SOX5: variants seen among roughly 807,000 people sequenced by gnomAD.
The protein encoded by SOX5 is SRY-box transcription factor 5, also known as transcription factor SOX-5.
A neutral mutation model predicts 92.0 loss-of-function variants in SOX5; 9 were observed. The ratio of observed to expected loss-of-function variants is 0.10; its 90% CI spans 0.06 to 0.17. The LOEUF (loss-of-function observed/expected upper bound fraction) is 0.17. Ranked by LOEUF, SOX5 falls within the 10% of genes least tolerant of loss-of-function variation. The pLI is 1.00. For missense variants in SOX5, 642 were observed against 944.5 expected, an observed-to-expected ratio of 0.68 and a Z score of 4.20; for synonymous variants, 344 against 336.3, an observed-to-expected ratio of 1.02 and a Z score of -0.25.
intron 3 of SOX5, among the ~76,000 whole-genome samples, chr12:24,242,700 C>T (rs1425878095): frequency 7.3e-6 from 1 of 137,728 alleles, no homozygotes. Flanking sequence ...ATTCTGAGTG[C>T]TAATAACTGC....
At chr12:23,614,011 C>T (rs767167371) in intron 8 of SOX5, among the ~76,000 whole-genome samples, 4 of 152,094 alleles carry the variant, frequency 2.6e-5, no homozygotes, top group Admixed American at 6.5e-5. Context: ...TGGGCCTGCG[C>T]CTGTGTCCCT....
At chr12:24,431,150 C>A (rs544496707) in intron 1 of SOX5, among the ~76,000 whole-genome samples, 1 of 152,226 alleles carries the variant, frequency 6.6e-6, no homozygotes, top group South Asian at 2.1e-4. Context: ...GTCTATACTG[C>A]AAATGATAAA....
intron 4 of SOX5, among the ~76,000 whole-genome samples, chr12:23,752,117 AATAAGG>A (rs2094199666): frequency 6.6e-6 from 1 of 151,112 alleles, no homozygotes; most frequent in Non-Finnish European, 1.5e-5. Context: ...AAACTCTTGA[AATAAGG>A]CAGGTAGAGA....
At chr12:24,095,152 G>GAGAGAGAGAGAGAGAGAC (rs879260192) in intron 4 of SOX5, among the ~76,000 whole-genome samples, 1 of 137,574 alleles carries the variant, frequency 7.3e-6, no homozygotes, top group Non-Finnish European at 1.6e-5. Context: ...GAGAGAGAGA[G>GAGAGAGAGAGAGAGAGAC]AGAGACAGAG....
At chr12:24,198,281 G>T (rs1008878508) in intron 4 of SOX5, among the ~76,000 whole-genome samples, 1 of 152,016 alleles carries the variant, frequency 6.6e-6, no homozygotes, top group African/African-American at 2.4e-5. Context: ...GGGAATAATG[G>T]TTTAAATTTA....
intron 2 of SOX5, among the ~76,000 whole-genome samples, chr12:23,858,726 C>T (rs1433096054): frequency 6.6e-6 from 1 of 152,158 alleles, no homozygotes; most frequent in Non-Finnish European, 1.5e-5. Flanking sequence ...AGGCATTCTA[C>T]AGAAACCTGC....
At chr12:23,911,616 T>G (rs181563336) in intron 1 of SOX5, among the ~76,000 whole-genome samples, 190 of 152,246 alleles carry the variant, frequency 1.2e-3, no homozygotes, top group Middle Eastern at 6.8e-3. Flanking sequence ...CTTTTATTCC[T>G]TACAGTTCCT....
At chr12:24,332,585 A>G (rs1023900519) in intron 2 of SOX5, among the ~76,000 whole-genome samples, 2 of 152,138 alleles carry the variant, frequency 1.3e-5, no homozygotes, top group African/African-American at 4.8e-5. Context: ...TCTAAAAATA[A>G]AAAATAAAAA....
intron 11 of SOX5, among the ~76,000 whole-genome samples, chr12:23,560,188 C>A (rs779050682): frequency 1.3e-5 from 2 of 152,116 alleles, no homozygotes; most frequent in Non-Finnish European, 2.9e-5. Context: ...GGATTACAGG[C>A]GTTTGAGTCA....
intron 2 of SOX5, among the ~76,000 whole-genome samples, chr12:24,341,217 C>A (rs1224508989): frequency 6.6e-6 from 1 of 152,198 alleles, no homozygotes; most frequent in Non-Finnish European, 1.5e-5. Flanking sequence ...TGGCTTATAC[C>A]TGTAATCCTA....
At chr12:24,422,020 TGTAAAG>T in intron 1 of SOX5, among the ~76,000 whole-genome samples, 1 of 152,358 alleles carries the variant, frequency 6.6e-6, no homozygotes, top group Non-Finnish European at 1.5e-5. Flanking sequence ...TAATCCCATC[TGTAAAG>T]GTTGACTGCA....
chr12:23,797,020 T>C (rs1338725718), intron 3 of SOX5, among the ~76,000 whole-genome samples: 1 of 151,056 alleles, frequency 6.6e-6, no homozygotes, highest in Non-Finnish European at 1.5e-5. Flanking sequence ...TTTTTATATG[T>C]TGAAAATCAA....
chr12:23,721,137 G>A (rs2092792991), intron 6 of SOX5, among the ~76,000 whole-genome samples: 1 of 152,050 alleles, frequency 6.6e-6, no homozygotes, highest in Non-Finnish European at 1.5e-5. Flanking sequence ...CCAGGCTGGA[G>A]TGCAATGGCA....
At chr12:24,373,037 A>T (rs1017570163) in intron 1 of SOX5, among the ~76,000 whole-genome samples, 1 of 151,656 alleles carries the variant, frequency 6.6e-6, no homozygotes, top group Non-Finnish European at 1.5e-5. Context: ...AGGATGATGT[A>T]AGCCTGGGAA....
intron 6 of SOX5, among the ~76,000 whole-genome samples, chr12:23,696,556 G>C (rs548895528): frequency 1.3e-5 from 2 of 152,010 alleles, no homozygotes; most frequent in East Asian, 3.9e-4. Flanking sequence ...TAATACCAGA[G>C]AATAAACTTT....
At chr12:23,839,518 A>T (rs2096485338) in intron 3 of SOX5, among the ~76,000 whole-genome samples, 1 of 152,168 alleles carries the variant, frequency 6.6e-6, no homozygotes, top group South Asian at 2.1e-4. Flanking sequence ...GGCAGTAGCA[A>T]CAAAAACAGA....
intron 4 of SOX5, among the ~76,000 whole-genome samples, chr12:24,179,699 C>A (rs1037359460): frequency 6.6e-6 from 1 of 152,160 alleles, no homozygotes; most frequent in Admixed American, 6.5e-5. Flanking sequence ...CAGCTGTAGG[C>A]TAATGTAAGT....
chr12:24,013,353 A>G (rs921034933), intron 4 of SOX5, among the ~76,000 whole-genome samples: 7 of 152,232 alleles, frequency 4.6e-5, no homozygotes, highest in Non-Finnish European at 8.8e-5. Context: ...AGAGGTATTG[A>G]GAACATGTCC....
At chr12:24,039,892 C>G (rs952759506) in intron 4 of SOX5, among the ~76,000 whole-genome samples, 1 of 152,152 alleles carries the variant, frequency 6.6e-6, no homozygotes, top group East Asian at 1.9e-4. Context: ...TCAGTTCTGT[C>G]GGAAGGTAAA....
Sources: allele counts gnomAD v4.1 joint callset (sites outside exome capture counted in the v4.1 genomes callset), GRCh38; gene constraint gnomAD v4.1.1; transcripts MANE v1.5; gene names NCBI Gene and HGNC (gene_info 2026-07-23, HGNC 2026-07-21).